Variants in AKAP19 observed in about 807,000 individuals in gnomAD.
AKAP19 encodes A-kinase anchoring protein 19, also known as small A-kinase anchoring protein.
the AKAP19 span, among the ~76,000 whole-genome samples, chr2:189,904,197 G>C: frequency 6.6e-6 from 1 of 151,938 alleles, no homozygotes; most frequent in Non-Finnish European, 1.5e-5. Context: ...TAATTACATT[G>C]CCTTATATTT....
At chr2:190,020,758 T>A in the AKAP19 span, among the ~76,000 whole-genome samples, 1 of 152,170 alleles carries the variant, frequency 6.6e-6, no homozygotes, top group South Asian at 2.1e-4. Context: ...CTATTCCCCC[T>A]CCTTCCAGCC....
the AKAP19 span, among the ~76,000 whole-genome samples, chr2:190,118,238 C>A: frequency 6.6e-6 from 1 of 151,906 alleles, no homozygotes; most frequent in African/African-American, 2.4e-5. Flanking sequence ...GCTTACCAAC[C>A]AAAAAAAGTC....
the AKAP19 span, among the ~76,000 whole-genome samples, chr2:190,187,475 G>A: frequency 4.2e-5 from 5 of 119,326 alleles, no homozygotes; most frequent in African/African-American, 1.7e-4. Context: ...TGGCCTTTTT[G>A]TGATACCTTC....
At chr2:189,994,633 C>G in the AKAP19 span, among the ~76,000 whole-genome samples, 1 of 151,900 alleles carries the variant, frequency 6.6e-6, no homozygotes, top group East Asian at 1.9e-4. Context: ...GAGTCTCATT[C>G]TGTCACCCAA....
the AKAP19 span, among the ~76,000 whole-genome samples, chr2:189,924,685 G>T: frequency 6.6e-6 from 1 of 152,046 alleles, no homozygotes; most frequent in Non-Finnish European, 1.5e-5. Context: ...TGCTGTGTGG[G>T]GCAGTTCAAC....
the AKAP19 span, among the ~76,000 whole-genome samples, chr2:190,038,840 A>T: frequency 6.6e-6 from 1 of 151,252 alleles, no homozygotes; most frequent in African/African-American, 2.4e-5. Flanking sequence ...TTTTACAGGA[A>T]TCTTCTACTT....
chr2:189,989,487 G>A, the AKAP19 span, among the ~76,000 whole-genome samples: 1 of 151,730 alleles, frequency 6.6e-6, no homozygotes, highest in Non-Finnish European at 1.5e-5. Context: ...CCAAAATGAA[G>A]TTAAGGTAGT....
chr2:189,903,417 C>A, the AKAP19 span, among the ~76,000 whole-genome samples: 2 of 151,884 alleles, frequency 1.3e-5, no homozygotes, highest in Non-Finnish European at 2.9e-5. Context: ...ATTCTTAGAA[C>A]AAGGCAAGGT....
the AKAP19 span, among the ~76,000 whole-genome samples, chr2:189,918,086 GT>G: frequency 4.6e-5 from 7 of 150,660 alleles, no homozygotes; most frequent in African/African-American, 1.7e-4. Flanking sequence ...CTCCCTTTAT[GT>G]TTTTTTTACC....
chr2:189,890,076 C>T, the AKAP19 span, among the ~76,000 whole-genome samples: 1 of 152,176 alleles, frequency 6.6e-6, no homozygotes, highest in South Asian at 2.1e-4. Context: ...CTATAAATTT[C>T]CCTCTAAACA....
chr2:189,980,049 A>G, the AKAP19 span, among the ~76,000 whole-genome samples: 6 of 152,192 alleles, frequency 3.9e-5, no homozygotes, highest in Non-Finnish European at 8.8e-5. Flanking sequence ...CAACCCAGCA[A>G]TCTCACTAGG....
At chr2:189,908,281 C>G in the AKAP19 span, among the ~76,000 whole-genome samples, 1 of 151,236 alleles carries the variant, frequency 6.6e-6, no homozygotes, top group African/African-American at 2.4e-5. Context: ...GCAACCTCTG[C>G]CTCCCAGTTT....
the AKAP19 span, among the ~76,000 whole-genome samples, chr2:189,958,193 A>G: frequency 6.6e-6 from 1 of 152,240 alleles, no homozygotes; most frequent in African/African-American, 2.4e-5. Flanking sequence ...GTTAGTAAGA[A>G]GATGAGCAAC....
the AKAP19 span, among the ~76,000 whole-genome samples, chr2:190,141,664 T>A: frequency 0.91 from 138,747 of 152,236 alleles, 64,134 homozygotes; most frequent in East Asian, 1. Context: ...GGTCTCTCCC[T>A]TGACATGTAG....
the AKAP19 span, among the ~76,000 whole-genome samples, chr2:190,066,111 C>A: frequency 6.6e-6 from 1 of 152,130 alleles, no homozygotes; most frequent in African/African-American, 2.4e-5. Context: ...CTAAAAGCAG[C>A]TTCTCACAGG....
the AKAP19 span, among the ~76,000 whole-genome samples, chr2:190,186,521 A>G: frequency 1.3e-5 from 2 of 152,188 alleles, no homozygotes; most frequent in Admixed American, 1.3e-4. This position sits in a 1 kb window ranked among gnomAD's most constrained non-coding sequence, Gnocchi z 5.5. Context: ...TCCCTACAGT[A>G]GTGTTCTTTC....
chr2:190,016,172 A>G, the AKAP19 span, among the ~76,000 whole-genome samples: 5 of 152,294 alleles, frequency 3.3e-5, no homozygotes, highest in South Asian at 2.1e-4. Context: ...CCCCACTCCT[A>G]GTACCAATTA....
At chr2:189,997,311 G>A in the AKAP19 span, among the ~76,000 whole-genome samples, 2 of 152,108 alleles carry the variant, frequency 1.3e-5, no homozygotes, top group African/African-American at 2.4e-5. Context: ...TAAATATTTG[G>A]GTTTCTCAGG....
At chr2:190,175,849 C>T in the AKAP19 span, among the ~76,000 whole-genome samples, 16 of 152,104 alleles carry the variant, frequency 1.1e-4, no homozygotes, top group African/African-American at 3.9e-4. Flanking sequence ...CAGATGTTGC[C>T]GATGTGATAG....
Sources: gnomAD v4.1 joint callset for allele counts (sites outside exome capture counted in the v4.1 genomes callset) on GRCh38, gnomAD v4.1.1 for gene constraint, Gnocchi (gnomAD v3.1) non-coding constraint, MANE v1.5 for transcripts, NCBI Gene and HGNC (gene_info 2026-07-23, HGNC 2026-07-21) for gene names.